The following GRM1 variants were observed in gnomAD, a reference collection of about 807,000 sequenced individuals.
GRM1 encodes glutamate metabotropic receptor 1.
GRM1 carries 33 observed loss-of-function variants against 90.9 expected under a neutral mutation model. The observed-to-expected ratio is 0.36, with a 90% CI of 0.28 to 0.49. The LOEUF is 0.49. Among genes scored for constraint, GRM1 ranks in the 20% least tolerant of loss-of-function variants. The pLI is 0.99. For missense variants in GRM1, 1,190 were observed against 1,534.3 expected, an observed-to-expected ratio of 0.78 and a Z score of 3.75; for synonymous variants, 700 against 613.2, an observed-to-expected ratio of 1.14 and a Z score of -2.09.
chr6:146,176,288 A>T (rs1778335792), intron 2 of GRM1, among the ~76,000 whole-genome samples: 1 of 152,092 alleles, frequency 6.6e-6, no homozygotes, highest in South Asian at 2.1e-4. Flanking sequence ...AACACCTATT[A>T]GGAACTGGAA....
intron 1 of GRM1, among the ~76,000 whole-genome samples, chr6:146,066,554 T>C (rs548896707): frequency 1.3e-5 from 2 of 152,334 alleles, no homozygotes; most frequent in Admixed American, 1.3e-4. Flanking sequence ...CAGTTTATTT[T>C]CTTTGGGGTA....
At chr6:146,339,565 T>C (rs920999285) in intron 3 of GRM1, among the ~76,000 whole-genome samples, 3 of 152,216 alleles carry the variant, frequency 2.0e-5, no homozygotes, top group African/African-American at 7.2e-5. Context: ...AAATGTATTG[T>C]AGTCACCATC....
intron 7 of GRM1, among the ~76,000 whole-genome samples, chr6:146,403,380 G>GTA (rs1777224460): frequency 6.6e-6 from 1 of 152,096 alleles, no homozygotes; most frequent in Non-Finnish European, 1.5e-5. Flanking sequence ...TATTTTGCAT[G>GTA]CAAAATTGTG....
chr6:146,305,988 T>C lies in GRM1; in HGVS notation c.1186+1142T>C, dbSNP rs984237936. On this transcript the variant is annotated intron_variant, in intron 3 of 7. Coordinates refer to ENST00000282753, the MANE Select transcript of GRM1 (RefSeq NM_001278064.2). Reference sequence around the variant, plus strand: ...TTACATAAAATATTTCTATTTTCAATAGTATTCATAGTTTGATGTTAGAAA... The same window carrying C: ...TTACATAAAATATTTCTATTTTCAACAGTATTCATAGTTTGATGTTAGAAA... 2.0e-5 allele frequency among the ~76,000 whole-genome samples: 3 copies of C among 152,310 alleles called. No individual in the cohort carries two copies. In the South Asian group the frequency reaches 6.2e-4, roughly 32 times the overall value.
At chr6:146,187,049 A>G (rs1359233982) in intron 2 of GRM1, among the ~76,000 whole-genome samples, 2 of 152,158 alleles carry the variant, frequency 1.3e-5, no homozygotes, top group Non-Finnish European at 2.9e-5. Context: ...CAATATTACT[A>G]TGTATTTAAA....
chr6:146,267,712 T>G (rs868200765), intron 2 of GRM1, among the ~76,000 whole-genome samples: 104 of 106,466 alleles, frequency 9.8e-4, no homozygotes, highest in South Asian at 3.2e-3. Flanking sequence ...GCTCGTCTCG[T>G]CTCGTCTCGT....
intron 1 of GRM1, among the ~76,000 whole-genome samples, chr6:146,105,614 A>G (rs1441826734): frequency 6.6e-6 from 1 of 152,170 alleles, no homozygotes; most frequent in Non-Finnish European, 1.5e-5. Flanking sequence ...GCAATTCAAT[A>G]TATGTCAATA....
At chr6:146,285,957 T>C (rs1782753440) in intron 2 of GRM1, among the ~76,000 whole-genome samples, 1 of 152,190 alleles carries the variant, frequency 6.6e-6, no homozygotes. Flanking sequence ...TAATGAGTTC[T>C]AGCCTATAGG....
rs753934392 is a variant in GRM1 at position 146,434,586 on chromosome 6, AGAGGAG to A, written c.3384_3389del (p.Glu1128_Glu1129del). 1.2e-6 allele frequency: 2 copies of A among 1,613,794 alleles called. No individual in the cohort carries two copies. Among genetic ancestry groups the A allele is most frequent in the African/African-American group, 2.7e-5 (2 of 74,938 alleles). On this transcript the variant is annotated inframe_deletion, in exon 8 of 8. Coordinates refer to ENST00000282753, the MANE Select transcript of GRM1 (RefSeq NM_001278064.2). Reference sequence around the variant, plus strand: ...GGAACACGGAAGAAGACGAACTGGAAGAGGAGGAGGAGGACCTGCAGGCGGCCAGCA... The same window carrying A: ...GGAACACGGAAGAAGACGAACTGGAAGAGGAGGACCTGCAGGCGGCCAGCA...
At chr6:146,417,238 A>G (rs1392402981) in intron 7 of GRM1, among the ~76,000 whole-genome samples, 1 of 152,188 alleles carries the variant, frequency 6.6e-6, no homozygotes, top group African/African-American at 2.4e-5. Context: ...GATCCGTTGC[A>G]TTCTGGTGCT....
At chr6:146,144,817 G>A (rs994355351) in intron 1 of GRM1, among the ~76,000 whole-genome samples, 1 of 152,186 alleles carries the variant, frequency 6.6e-6, no homozygotes, top group African/African-American at 2.4e-5. Flanking sequence ...GGGAAAATCT[G>A]ATACTCCTTA....
At chr6:146,288,992 G>A (rs1782876880) in intron 2 of GRM1, among the ~76,000 whole-genome samples, 1 of 152,112 alleles carries the variant, frequency 6.6e-6, no homozygotes, top group Admixed American at 6.6e-5. Flanking sequence ...GTATAAAAGT[G>A]TAACACTTAT....
chr6:146,044,646 A>G (rs1228983797), intron 1 of GRM1, among the ~76,000 whole-genome samples: 1 of 151,976 alleles, frequency 6.6e-6, no homozygotes, highest in Non-Finnish European at 1.5e-5. Context: ...CTTTGGCTAG[A>G]AGCACCAAAT....
intron 7 of GRM1, among the ~76,000 whole-genome samples, chr6:146,433,449 C>G (rs1013085958): frequency 2.0e-5 from 3 of 151,802 alleles, no homozygotes; most frequent in African/African-American, 7.3e-5. Flanking sequence ...AGGACAATAG[C>G]CATTATTTTG....
intron 2 of GRM1, among the ~76,000 whole-genome samples, chr6:146,217,325 T>C (rs1337988196): frequency 1.3e-5 from 2 of 152,222 alleles, no homozygotes; most frequent in Admixed American, 1.3e-4. Flanking sequence ...TTGTCAAATT[T>C]GTTGCCCAGA....
rs362906 is a variant in GRM1, at chr6:146,362,892, A to C, written c.1602+5198A>C. Among the ~76,000 whole-genome samples the C allele has an allele frequency of 6.0e-3, 911 of 152,208 alleles. 32 individuals carry two copies. The East Asian group carries it at 0.1, about 17-fold the overall frequency. ...AGCAGATTCATTGAGAATCAAAGCA[A>C]AGGGAACATGATCATTCTCATTACG... On this transcript the variant is annotated intron_variant, in intron 5 of 7. Transcript: ENST00000282753.
intron 2 of GRM1, among the ~76,000 whole-genome samples, chr6:146,204,749 G>T (rs922151687): frequency 1.3e-5 from 2 of 152,330 alleles, no homozygotes; most frequent in East Asian, 3.9e-4. Context: ...AGCCTTAGTT[G>T]TGTGCTTTTG....
At chr6:146,292,341 A>C (rs1251240349) in intron 2 of GRM1, among the ~76,000 whole-genome samples, 1 of 152,024 alleles carries the variant, frequency 6.6e-6, no homozygotes, top group East Asian at 1.9e-4. Flanking sequence ...ATTATCAAGA[A>C]AGTGAAAAGA....
rs1226431060 is a variant in GRM1, at chr6:146,142,700, G to A, written c.701-16648G>A. Among the ~76,000 whole-genome samples, 8 of 150,704 alleles carry A rather than the reference G, an allele frequency of 5.3e-5. No individual in the cohort carries two copies. In the East Asian group the frequency reaches 6.0e-4, roughly 11 times the overall value. On this transcript the variant is annotated intron_variant, in intron 1 of 7. Coordinates refer to ENST00000282753, the MANE Select transcript of GRM1 (RefSeq NM_001278064.2). ...ACCACAGGCCTGCAGACAGTACTGCGACGCTACTGCCTATGTTCACTCAAG... is the reference window on the plus strand; with the variant it reads ...ACCACAGGCCTGCAGACAGTACTGCAACGCTACTGCCTATGTTCACTCAAG...
Sources: allele counts gnomAD v4.1 joint callset (sites outside exome capture counted in the v4.1 genomes callset), GRCh38; gene constraint gnomAD v4.1.1; transcripts MANE v1.5; gene names NCBI Gene and HGNC (gene_info 2026-07-23, HGNC 2026-07-21).